Variants in DMXL2 observed in about 807,000 individuals in gnomAD.
DMXL2 encodes Dmx like 2.
A neutral mutation model predicts 331.1 loss-of-function variants in DMXL2; 103 were observed. That is an observed-to-expected ratio of 0.31 (90% CI 0.27 to 0.37). The LOEUF (loss-of-function observed/expected upper bound fraction) is 0.37. Ranked by LOEUF, DMXL2 falls within the 10% of genes least tolerant of loss-of-function variation. The pLI is 1.00. For synonymous variants in DMXL2, 1,281 were observed against 1,252.1 expected (o/e 1.02, Z -0.49); for missense variants, 3,171 against 3,642.9 (o/e 0.87, Z 3.33).
intron 9 of DMXL2, among the ~76,000 whole-genome samples, chr15:51,539,461 T>C (rs1272117217): frequency 6.6e-6 from 1 of 152,326 alleles, no homozygotes; most frequent in Middle Eastern, 3.4e-3. Flanking sequence ...AAGTATAAGA[T>C]AATTTCTCCA....
At position 51,447,994 on chromosome 15, in the gene DMXL2, A is replaced by C. The variant is rs1354485690; in HGVS notation, c.*990T>G. ...TCAGTATCTCAACATATTTTTGGTC[A>C]TAACCAAGGAAATACATCAAAATAA... On this transcript the variant is annotated 3_prime_UTR_variant, in exon 44 of 44. Coordinates refer to ENST00000560891, the MANE Select transcript of DMXL2 (RefSeq NM_001378457.1). 3 of 152,660 alleles carry C rather than the reference A, an allele frequency of 2.0e-5. No homozygotes were observed. Among genetic ancestry groups the C allele is most frequent in the Non-Finnish European group, 4.4e-5 (3 of 68,038 alleles). The allele number at this position is 152,660 out of a possible 1,614,324, so 9.5% of individuals were successfully genotyped here. A position where few individuals can be genotyped will look rare whatever the true frequency, so the allele number is the denominator to read the frequency against.
chr15:51,588,647 T>A (rs1443151864), intron 1 of DMXL2, among the ~76,000 whole-genome samples: 3 of 152,202 alleles, frequency 2.0e-5, no homozygotes, highest in Non-Finnish European at 4.4e-5. Context: ...ATGTTGATAT[T>A]TTGAGGGAAA....
chr15:51,515,032 C>T (rs1230048073), intron 14 of DMXL2, among the ~76,000 whole-genome samples: 1 of 152,066 alleles, frequency 6.6e-6, no homozygotes, highest in Non-Finnish European at 1.5e-5. Context: ...CCAGAAAGCT[C>T]CTCGAAGTAT....
At chr15:51,472,647 C>T (rs1048949642) in intron 28 of DMXL2, among the ~76,000 whole-genome samples, 1 of 152,166 alleles carries the variant, frequency 6.6e-6, no homozygotes, top group Non-Finnish European at 1.5e-5. Context: ...TGTCTGGCTT[C>T]TTTGGCTTAG....
chr15:51,473,428 T>C (rs969483778), intron 28 of DMXL2, among the ~76,000 whole-genome samples: 2 of 152,168 alleles, frequency 1.3e-5, no homozygotes, highest in Non-Finnish European at 2.9e-5. Flanking sequence ...GGAGAAAAAC[T>C]TTTAAGTTTA....
At chr15:51,548,248 A>G (rs2049000265) in intron 6 of DMXL2, among the ~76,000 whole-genome samples, 1 of 152,166 alleles carries the variant, frequency 6.6e-6, no homozygotes, top group Non-Finnish European at 1.5e-5. Context: ...ATGCAAAAAT[A>G]TAACCTCTGA....
At chr15:51,559,562 T>C (rs898602738) in intron 6 of DMXL2, among the ~76,000 whole-genome samples, 2 of 151,506 alleles carry the variant, frequency 1.3e-5, no homozygotes, top group East Asian at 1.9e-4. Flanking sequence ...CAAAAAAAAA[T>C]AGATAAAACT....
At chr15:51,475,867 A>G (rs1354206970) in intron 27 of DMXL2, among the ~76,000 whole-genome samples, 1 of 152,230 alleles carries the variant, frequency 6.6e-6, no homozygotes. Context: ...TTTCAAAAAA[A>G]ATACACTTAG....
chr15:51,609,500 T>A (rs934452761), intron 1 of DMXL2, among the ~76,000 whole-genome samples: 1 of 152,218 alleles, frequency 6.6e-6, no homozygotes, highest in African/African-American at 2.4e-5. Flanking sequence ...TTTCTACATT[T>A]AGATATGTTT....
chr15:51,488,141 A>G, intron 21 of DMXL2, 22 bp from the exon 22 acceptor site: 1 of 1,558,316 alleles, frequency 6.4e-7, no homozygotes, highest in Non-Finnish European at 8.6e-7. Flanking sequence ...GCATAAACAT[A>G]AAGTGGTTAA....
chr15:51,509,483 T>C (rs1418792166), intron 15 of DMXL2, among the ~76,000 whole-genome samples: 1 of 152,188 alleles, frequency 6.6e-6, no homozygotes, highest in Non-Finnish European at 1.5e-5. Context: ...CCTGGACACA[T>C]ACACCCTCCA....
intron 1 of DMXL2, among the ~76,000 whole-genome samples, chr15:51,618,158 T>C (rs2054403379): frequency 6.6e-6 from 1 of 152,160 alleles, no homozygotes; most frequent in Admixed American, 6.5e-5. Flanking sequence ...TGGCCAAAAG[T>C]TCTCTTAGTC....
At chr15:51,507,090 A>G (rs2046449331) in intron 16 of DMXL2, 44 bp downstream of exon 16, 12 of 1,404,270 alleles carry the variant, frequency 8.5e-6, no homozygotes, top group Non-Finnish European at 1.1e-5. Context: ...TCTATAAAAT[A>G]AATTTGTTAT....
rs1342392183 is a variant in DMXL2, at chr15:51,474,476, G to C, written c.7081C>G (p.Leu2361Val). 2.5e-6 allele frequency: 4 copies of C among 1,614,008 alleles called. No individual in the cohort carries two copies. The highest frequency in any genetic ancestry group is 1.7e-5 in the Admixed American group (1 of 59,996). ...AATTCACTGGAGGAATTTGTGGCAA[G>C]AGCATGTATCAATAAACTTAAGTAA... ...AVYLSLLIHA[L>V]ATNSSSELFR... The change falls in exon 28 of 44, where the codon CTT (leucine) becomes GTT (valine). Residue 2361 changes from leucine (L) to valine (V), a missense_variant. Around this residue, in one of 7 missense-constraint regions of DMXL2, gnomAD observed 766 missense variants for 940.5 expected, o/e 0.81. Coordinates refer to ENST00000560891, the MANE Select transcript of DMXL2 (RefSeq NM_001378457.1).
At chr15:51,530,008 A>T (rs2047909764) in intron 13 of DMXL2, among the ~76,000 whole-genome samples, 1 of 152,178 alleles carries the variant, frequency 6.6e-6, no homozygotes, top group Non-Finnish European at 1.5e-5. Flanking sequence ...TGAAGGACAA[A>T]AATTTTTTAG....
intron 36 of DMXL2, chr15:51,458,071 C>T (rs2039794663): frequency 2.5e-5 from 4 of 157,400 alleles, no homozygotes; most frequent in Admixed American, 1.8e-4. Context: ...TGGCAAAACA[C>T]TCTTGGTGCA....
intron 28 of DMXL2, 44 bp from the exon 29 acceptor site, chr15:51,471,445 C>T (rs188585219): frequency 1.3e-6 from 2 of 1,532,100 alleles, no homozygotes; most frequent in East Asian, 2.3e-5. Context: ...ATTCATTTTC[C>T]ATTGTTAATT....
chr15:51,502,993 T>G lies in DMXL2; in HGVS notation c.2805A>C (p.Ser935=). The G allele has an allele frequency of 6.2e-7, 1 of 1,613,960 alleles. No individual in the cohort carries two copies. The highest frequency in any genetic ancestry group is 2.2e-5 in the East Asian group (1 of 44,874). ...AATCTACGTTCTTCTGTCCAGGGAC[T>G]GAAAGTAGACTCTCAGAGGAAGCCC... ...SEGASSESLL[S]VPGQKNVDSS... Residue 935 remains serine (S), a synonymous_variant, in exon 17 of 44, where the codon TCA becomes TCC. Coordinates refer to ENST00000560891, the MANE Select transcript of DMXL2 (RefSeq NM_001378457.1).
intron 1 of DMXL2, among the ~76,000 whole-genome samples, chr15:51,601,876 T>C (rs535449993): frequency 3.3e-5 from 5 of 152,334 alleles, no homozygotes; most frequent in South Asian, 4.1e-4. Context: ...TCCATGAACA[T>C]AGTATTTATC....
Sources: allele counts gnomAD v4.1 joint callset (sites outside exome capture counted in the v4.1 genomes callset), GRCh38; gene constraint gnomAD v4.1.1; regional missense constraint gnomAD v4.1.1; transcripts MANE v1.5; gene names NCBI Gene and HGNC (gene_info 2026-07-23, HGNC 2026-07-21).